The following FRMD4A variants were observed in gnomAD, a reference collection of about 807,000 sequenced individuals.
FRMD4A encodes the protein FERM domain containing 4A, also known as FERM domain-containing protein 4A.
A neutral mutation model predicts 129.1 loss-of-function variants in FRMD4A; 29 were observed. That is an observed-to-expected ratio of 0.22 (90% confidence interval 0.17 to 0.31). The LOEUF is 0.31. FRMD4A is among the 10% of genes least tolerant of loss of function. The pLI, the probability that FRMD4A is intolerant of heterozygous loss-of-function variation, is 1.00. For synonymous variants in FRMD4A, 634 were observed against 571.6 expected (o/e 1.11, Z -1.56); for missense variants, 1,272 against 1,375.8 (o/e 0.92, Z 1.19).
chr10:14,045,719 T>G (rs1162965058), intron 2 of FRMD4A, among the ~76,000 whole-genome samples: 1 of 146,128 alleles, frequency 6.8e-6, no homozygotes, highest in Non-Finnish European at 1.5e-5. Context: ...ATTTATCATA[T>G]TATATTAGAT....
At chr10:14,250,460 A>C (rs1844398971) in intron 2 of FRMD4A, among the ~76,000 whole-genome samples, 1 of 152,142 alleles carries the variant, frequency 6.6e-6, no homozygotes, top group South Asian at 2.1e-4. Context: ...AGGATTTTCC[A>C]ATTAAGGGGA....
intron 2 of FRMD4A, among the ~76,000 whole-genome samples, chr10:14,261,857 C>T (rs1395559437): frequency 6.6e-6 from 1 of 151,234 alleles, no homozygotes; most frequent in Non-Finnish European, 1.5e-5. Context: ...TTCTTTGGTG[C>T]CAATCTGTGT....
chr10:13,666,240 T>C lies in FRMD4A; in HGVS notation c.1460A>G (p.Asn487Ser), dbSNP rs953535133. ...EAARRLASDP[N>S]VSKKLKKQRK... ...TTGTTTCTTCAGTTTTTTGCTGACGTTGGGGTCACTGGCTAGGCGGCGGGC... is the reference window on the plus strand; with the variant it reads ...TTGTTTCTTCAGTTTTTTGCTGACGCTGGGGTCACTGGCTAGGCGGCGGGC... Residue 487 changes from asparagine (N) to serine (S), a missense_variant, in exon 18 of 25, where the codon AAC (asparagine) becomes AGC (serine). By Grantham distance (46) the Asn-to-Ser change is conservative. Around this residue, in one of 2 missense-constraint regions of FRMD4A, gnomAD observed 972 missense variants for 892.3 expected, o/e 1.09. Transcript: ENST00000357447. The C allele has an allele frequency of 1.6e-5, 26 of 1,613,944 alleles. No individual in the cohort carries two copies. In the Admixed American group the frequency reaches 1.8e-4, roughly 11 times the overall value.
intron 2 of FRMD4A, among the ~76,000 whole-genome samples, chr10:13,950,077 G>A (rs184495011): frequency 1.3e-5 from 2 of 152,312 alleles, no homozygotes; most frequent in East Asian, 3.9e-4. Context: ...AGTCTTTGGG[G>A]TTAATTTGGT....
chr10:14,239,278 A>C (rs1358388221), intron 2 of FRMD4A, among the ~76,000 whole-genome samples: 1 of 152,224 alleles, frequency 6.6e-6, no homozygotes, highest in Admixed American at 6.5e-5. Flanking sequence ...TCTAATTAAA[A>C]GTGCCTTTTA....
chr10:14,058,586 T>C (rs1834654911), intron 2 of FRMD4A, among the ~76,000 whole-genome samples: 2 of 152,204 alleles, frequency 1.3e-5, no homozygotes, highest in Admixed American at 6.5e-5. Flanking sequence ...AGATAGAAAT[T>C]CACTGTTGAC....
At chr10:13,853,085 T>C (rs568160035) in intron 3 of FRMD4A, among the ~76,000 whole-genome samples, 3 of 152,154 alleles carry the variant, frequency 2.0e-5, no homozygotes, top group East Asian at 3.9e-4. Flanking sequence ...AGGGACTGGG[T>C]CAGAGGGGAG....
At chr10:13,965,267 G>A (rs1270124312) in intron 2 of FRMD4A, among the ~76,000 whole-genome samples, 1 of 152,106 alleles carries the variant, frequency 6.6e-6, no homozygotes, top group East Asian at 1.9e-4. Flanking sequence ...AAGGACTAGA[G>A]ATCTTATCAA....
intron 2 of FRMD4A, among the ~76,000 whole-genome samples, chr10:13,996,871 C>T (rs558778432): frequency 4.7e-4 from 71 of 152,274 alleles, no homozygotes; most frequent in African/African-American, 9.1e-4. Context: ...TTGCTCATTT[C>T]GGGCAGTTGA....
chr10:14,324,762 G>A (rs1223455182), intron 2 of FRMD4A, among the ~76,000 whole-genome samples: 25 of 152,210 alleles, frequency 1.6e-4, no homozygotes, highest in Admixed American at 1.6e-3. Context: ...CTTGGTTCAA[G>A]TGATTCTCCT....
At chr10:14,042,373 T>C (rs1319265525) in intron 2 of FRMD4A, among the ~76,000 whole-genome samples, 1 of 152,142 alleles carries the variant, frequency 6.6e-6, no homozygotes, top group African/African-American at 2.4e-5. Flanking sequence ...AAATACAGAA[T>C]GTGAGGTCCC....
At chr10:13,963,159 A>G (rs2095457417) in intron 2 of FRMD4A, among the ~76,000 whole-genome samples, 1 of 152,238 alleles carries the variant, frequency 6.6e-6, no homozygotes, top group African/African-American at 2.4e-5. Flanking sequence ...CTTTACTGAC[A>G]GGCACCTACA....
intron 2 of FRMD4A, among the ~76,000 whole-genome samples, chr10:14,039,444 C>G (rs58326769): frequency 7.2e-6 from 1 of 138,976 alleles, no homozygotes; most frequent in Non-Finnish European, 1.5e-5. Context: ...ATTGGAACCC[C>G]AAAATCAATC....
rs774164176 is a variant in FRMD4A at position 13,660,399 on chromosome 10, G to A, written c.1815C>T (p.Pro605=). The A allele has an allele frequency of 2.4e-5, 39 of 1,614,120 alleles. No individual in the cohort carries two copies. The highest frequency in any genetic ancestry group is 1.7e-4 in the Middle Eastern group (1 of 6,060). The part of the protein sequence containing the change: ...HYHRNDYDKS[P]IKPKMWSESS... ...ACTCACTCCACATTTTGGGCTTGAT[G>A]GGTGACTTGTCATAGTCGTTGCGGT... The change falls in exon 20 of 25, where the codon CCC becomes CCT. Residue 605 remains proline, a synonymous_variant. Transcript: ENST00000357447.
At position 13,692,912 on chromosome 10, in the gene FRMD4A, G is replaced by A. The variant is rs79540802; in HGVS notation, c.1117+986C>T. 9.9e-3 allele frequency: 1,279 copies of A among 129,680 alleles called. 26 individuals are homozygous for A. The highest frequency in any genetic ancestry group is 0.095 in the East Asian group (473 of 4,974). 8.0% of individuals were successfully genotyped at this position (129,680 alleles called of 1,614,324 possible). ...AACAGGGTCTTGCTCTGTCACCCAG[G>A]TTGGAGGGCAGTGCAGTCACTGCTC... On this transcript the variant is annotated intron_variant, in intron 15 of 24. Transcript: ENST00000357447.
chr10:14,303,293 G>T (rs1846244677), intron 2 of FRMD4A, among the ~76,000 whole-genome samples: 1 of 152,134 alleles, frequency 6.6e-6, no homozygotes, highest in Non-Finnish European at 1.5e-5. Flanking sequence ...GAATCACCAG[G>T]GGTCCTTGCT....
At chr10:14,212,279 T>G (rs1536448) in intron 2 of FRMD4A, among the ~76,000 whole-genome samples, 150,425 of 152,214 alleles carry the variant, frequency 0.99, 74,353 homozygotes, top group East Asian at 1. Flanking sequence ...GACAAGAGGT[T>G]GCACATCACT....
chr10:13,936,261 G>A (rs1304212685), intron 2 of FRMD4A, among the ~76,000 whole-genome samples: 4 of 152,126 alleles, frequency 2.6e-5, no homozygotes, highest in Non-Finnish European at 4.4e-5. Flanking sequence ...CATGCAGCAC[G>A]GTAGTCATCA....
intron 2 of FRMD4A, among the ~76,000 whole-genome samples, chr10:14,049,221 A>G (rs1280191784): frequency 6.6e-6 from 1 of 151,358 alleles, no homozygotes; most frequent in East Asian, 1.9e-4. Context: ...GATAAAAATG[A>G]AGATGGTAAT....
Sources: allele counts gnomAD v4.1 joint callset (sites outside exome capture counted in the v4.1 genomes callset), GRCh38; gene constraint gnomAD v4.1.1; regional missense constraint gnomAD v4.1.1; transcripts MANE v1.5; gene names NCBI Gene and HGNC (gene_info 2026-07-23, HGNC 2026-07-21).